The following CRAT variants were observed in gnomAD, a reference collection of about 807,000 sequenced individuals.
The protein encoded by CRAT is carnitine acetylase.
Under a neutral mutation model 73.7 loss-of-function variants are expected in CRAT, and 66 were observed. The observed-to-expected ratio is 0.90, with a 90% CI of 0.73 to 1.10. The LOEUF (loss-of-function observed/expected upper bound fraction) is 1.10. Among genes scored for constraint, CRAT ranks in the 50% least tolerant of loss-of-function variants. CRAT has a pLI of 0.00. For synonymous variants in CRAT, 321 were observed against 343.2 expected, an observed-to-expected ratio of 0.94 and a Z score of 0.71; for missense variants, 745 against 846.9, an observed-to-expected ratio of 0.88 and a Z score of 1.49.
At position 129,095,480 on chromosome 9, in the gene CRAT, C is replaced by T. The variant is rs777404087; in HGVS notation, c.1798G>A (p.Ala600Thr). ...SAYNSCAETN[A>T]ARLAHYLEKA... ...TCCAGGTAATGCGCCAGGCGGGCGG[C>T]GTTGGTCTCCGCGCAGCTGTTGTAG... Residue 600 changes from alanine (A) to threonine (T), a missense_variant, in exon 14 of 14, where the codon GCC becomes ACC. Coordinates refer to ENST00000318080, the MANE Select transcript of CRAT (RefSeq NM_000755.5). The T allele has an allele frequency of 2.2e-5, 36 of 1,613,320 alleles. No homozygotes were observed. Among genetic ancestry groups the T allele is most frequent in the East Asian group, 2.2e-4 (10 of 44,904 alleles).
chr9:129,109,520 C>G (rs550040900), intron 1 of CRAT, among the ~76,000 whole-genome samples: 1 of 152,320 alleles, frequency 6.6e-6, no homozygotes, highest in South Asian at 2.1e-4. Flanking sequence ...TTTGAATGAG[C>G]AGGTCCAGGG....
At chr9:129,097,778 CAT>C (rs1847375045) in intron 11 of CRAT, 4 of 570,282 alleles carry the variant, frequency 7.0e-6, no homozygotes, top group Admixed American at 6.5e-5. Flanking sequence ...CAGGGCCTGA[CAT>C]AGGGCAGTTG....
At position 129,103,958 on chromosome 9, in the gene CRAT, T is replaced by A. The variant is rs1245428717; in HGVS notation, c.410+230A>T. On this transcript the variant is annotated intron_variant, in intron 3 of 13. Coordinates refer to ENST00000318080, the MANE Select transcript of CRAT (RefSeq NM_000755.5). The surrounding 1 kb of genome is among the most constrained non-coding windows in gnomAD (Gnocchi z 4.6). The stretch of plus-strand genomic sequence containing the variant: ...GCGAAGATGTGGTGGTTAACAGCCA[T>A]GAGGCTTTAGAGCTGGAGAGACCCT... Among the ~76,000 whole-genome samples the A allele has an allele frequency of 6.6e-6, 1 of 152,154 alleles. No homozygotes were observed. The highest frequency in any genetic ancestry group is 1.5e-5 in the Non-Finnish European group (1 of 68,014).
chr9:129,099,884 T>A lies in CRAT; in HGVS notation c.1067A>T (p.Asp356Val), dbSNP rs148000421. ...AEGPPIVTLLDYVIEYTKKPE... is the reference protein window; with the variant it reads ...AEGPPIVTLLVYVIEYTKKPE... ...TACTCACGTGTACTCGATGACATAG[T>A]CCAGAAGGGTGACAATAGGGGGCCC... is the stretch of plus-strand genomic sequence containing the variant. Residue 356 changes from aspartate (D) to valine (V), a missense_variant, in exon 8 of 14, where the codon GAC becomes GTC. Asp to Val is a radical substitution (Grantham distance 152). Coordinates refer to ENST00000318080, the MANE Select transcript of CRAT (RefSeq NM_000755.5). 2.5e-6 allele frequency: 4 copies of A among 1,613,572 alleles called. No homozygotes were observed. The highest frequency in any genetic ancestry group is 3.4e-6 in the Non-Finnish European group (4 of 1,179,850).
chr9:129,097,980 C>T (rs757348537), intron 11 of CRAT, 33 bp downstream of exon 11: 2 of 1,605,242 alleles, frequency 1.2e-6, no homozygotes, highest in Non-Finnish European at 1.7e-6. Context: ...GGGCTCAGGC[C>T]CAGCTCACCC....
At position 129,100,597 on chromosome 9, in the gene CRAT, ACACGTCTTCTGAGACC is replaced by A. The variant is rs1180390023; in HGVS notation, c.882_897del (p.Arg294SerfsTer105). ...ATCTGGCCTGCCACGTGGCTGCGGT[ACACGTCTTCTGAGACC>A]CTGGGCATGGTTGCATCTAGGCACA... On this transcript the variant is annotated frameshift_variant, in exon 7 of 14. Transcript: ENST00000318080. LOFTEE classifies it high-confidence loss of function. The A allele has an allele frequency of 6.2e-7, 1 of 1,614,046 alleles. No individual in the cohort carries two copies. Among genetic ancestry groups the A allele is most frequent in the South Asian group, 1.1e-5 (1 of 91,086 alleles).
At chr9:129,098,458 G>C in intron 9 of CRAT, 73 bp downstream of exon 9, 1 of 1,590,184 alleles carries the variant, frequency 6.3e-7, no homozygotes, top group Non-Finnish European at 8.6e-7. Context: ...GACAGAGCTG[G>C]CACAGGAGCC....
rs1848083487 is a variant in CRAT, at chr9:129,107,482, C to T, written c.291+332G>A. 6.5e-6 allele frequency: 4 copies of T among 616,410 alleles called. No homozygotes were observed. The allele number at this position is 616,410 out of a possible 1,614,324, so 38.2% of individuals were successfully genotyped here. A position where few individuals can be genotyped will look rare whatever the true frequency, so the allele number is the denominator to read the frequency against. ...TCGGTCACTGAGTGACACATATCCC[C>T]TGCCTGAGGCTGTCCCACCAAGCAC... On this transcript the variant is annotated intron_variant, in intron 2 of 13. Transcript: ENST00000318080. This position sits in a 1 kb window ranked among gnomAD's most constrained non-coding sequence, Gnocchi z 5.0.
At chr9:129,097,378 C>A in intron 11 of CRAT, 66 bp from the exon 12 acceptor site, 2 of 1,234,062 alleles carry the variant, frequency 1.6e-6, no homozygotes, top group Non-Finnish European at 2.3e-6. Context: ...CCTCAGTAGC[C>A]CACCCCCACC....
At chr9:129,099,179 G>C (rs1221656177) in intron 8 of CRAT, among the ~76,000 whole-genome samples, 1 of 133,930 alleles carries the variant, frequency 7.5e-6, no homozygotes, top group Non-Finnish European at 1.6e-5. Context: ...GTCTCATTCT[G>C]TCACCCAGGC....
intron 2 of CRAT, among the ~76,000 whole-genome samples, chr9:129,105,181 AG>A (rs1319746515): frequency 6.6e-6 from 1 of 152,166 alleles, no homozygotes; most frequent in Non-Finnish European, 1.5e-5. Flanking sequence ...CTGGGATTAC[AG>A]GCGTGAGCCA....
Position 129,098,025 on chromosome 9 carries a change from G to GTCA in CRAT, c.1449_1451dup (p.Asp484dup). 6.2e-7 allele frequency: 1 copy of GTCA among 1,613,828 alleles called. No homozygotes were observed. Among genetic ancestry groups the GTCA allele is most frequent in the Non-Finnish European group, 8.5e-7 (1 of 1,180,012 alleles). ...CCAGACCTCTCACCGTGACGCTGGA[G>GTCA]TCATCCATGGCCTTGACAAAGGTGA... On this transcript the variant is annotated inframe_insertion, in exon 11 of 14. Coordinates refer to ENST00000318080, the MANE Select transcript of CRAT (RefSeq NM_000755.5).
In CRAT at chr9:129,099,891, G is replaced by A. The variant is rs1353547265; in HGVS notation, c.1060C>T (p.Leu354Phe). 2 of 1,613,774 alleles carry A rather than the reference G, an allele frequency of 1.2e-6. No homozygotes were observed. Among genetic ancestry groups the A allele is most frequent in the South Asian group, 1.1e-5 (1 of 91,078 alleles). ...AAAEGPPIVT[L>F]LDYVIEYTKK... ...GTGTACTCGATGACATAGTCCAGAA[G>A]GGTGACAATAGGGGGCCCCTCCGCT... Residue 354 changes from leucine to phenylalanine, a missense_variant, in exon 8 of 14, where the codon CTT (leucine) becomes TTT (phenylalanine). Coordinates refer to ENST00000318080, the MANE Select transcript of CRAT (RefSeq NM_000755.5).
At chr9:129,108,859 A>G (rs1848184597) in intron 1 of CRAT, 1 of 1,303,772 alleles carries the variant, frequency 7.7e-7, no homozygotes, top group African/African-American at 1.5e-5. Flanking sequence ...ACTGTGCTAC[A>G]AAGTGAGTGA....
rs1848378606 is a variant in CRAT, at chr9:129,110,647, C to T, written c.-138G>A. The T allele has an allele frequency of 1.9e-6, 2 of 1,060,390 alleles. No individual in the cohort carries two copies. Among genetic ancestry groups the T allele is most frequent in the Non-Finnish European group, 2.5e-6 (2 of 785,058 alleles). 65.7% of individuals were successfully genotyped at this position (1,060,390 alleles called of 1,614,324 possible). On this transcript the variant is annotated 5_prime_UTR_variant, in exon 1 of 14. Transcript: ENST00000318080. The surrounding 1 kb of genome is among the most constrained non-coding windows in gnomAD (Gnocchi z 5.3). ...AAGGTCGCTGAGTTACAGCCGCCAG[C>T]CGGTAGAGGCAGCCCCGCGCCCACC...
chr9:129,102,813 G>A (rs1847771423), intron 4 of CRAT, among the ~76,000 whole-genome samples, 200 bp downstream of exon 4: 1 of 152,172 alleles, frequency 6.6e-6, no homozygotes, highest in African/African-American at 2.4e-5. Context: ...TGTCACAGGG[G>A]AGATGAAGCA....
Position 129,095,338 on chromosome 9 carries a change from G to A in CRAT, c.*59C>T, listed in dbSNP as rs17455684. 3.2e-6 allele frequency: 5 copies of A among 1,546,400 alleles called. No individual in the cohort carries two copies. Among genetic ancestry groups the A allele is most frequent in the Non-Finnish European group, 4.4e-6 (5 of 1,132,066 alleles). ...GGGAACCAAGGAGCTGAGCCCTGGT[G>A]GGTGGCCCATCCCAGGGTGGGCTTG... On this transcript the variant is annotated 3_prime_UTR_variant, in exon 14 of 14. Transcript: ENST00000318080.
In CRAT at chr9:129,098,290, T is replaced by C; in HGVS notation, c.1287A>G (p.Pro429=). Residue 429 remains proline, a synonymous_variant, in exon 10 of 14, where the codon CCA becomes CCG. Coordinates refer to ENST00000318080, the MANE Select transcript of CRAT (RefSeq NM_000755.5). ...KDFPKSEKLS[P]DAFIQMALQL... The stretch of plus-strand genomic sequence containing the variant: ...GCAAAGCCATCTGGATGAAGGCATC[T>C]GGGCTTAGCTTCTCCGACTTGGGGA... 1 of 1,614,006 alleles carries C rather than the reference T, an allele frequency of 6.2e-7. No homozygotes were observed. The highest frequency in any genetic ancestry group is 2.2e-5 in the East Asian group (1 of 44,882).
At chr9:129,097,644 G>A (rs1472364629) in intron 11 of CRAT, among the ~76,000 whole-genome samples, 1 of 152,060 alleles carries the variant, frequency 6.6e-6, no homozygotes, top group Admixed American at 6.6e-5. Context: ...GGGAGGTGGA[G>A]GTTGCAGTGA....
Sources: gnomAD v4.1 joint callset for allele counts (sites outside exome capture counted in the v4.1 genomes callset) on GRCh38, gnomAD v4.1.1 for gene constraint, Gnocchi (gnomAD v3.1) non-coding constraint, MANE v1.5 for transcripts, NCBI Gene and HGNC (gene_info 2026-07-23, HGNC 2026-07-21) for gene names.